Variants in CERS6 observed in about 807,000 individuals in gnomAD.
CERS6 encodes ceramide synthase 6, also known as LAG1 homolog, ceramide synthase 6.
A neutral mutation model predicts 56.8 loss-of-function variants in CERS6; 26 were observed. That is an observed-to-expected ratio of 0.46 (90% confidence interval 0.34 to 0.63). The LOEUF (loss-of-function observed/expected upper bound fraction) is 0.63. CERS6 is among the 30% of genes least tolerant of loss of function. The probability of loss-of-function intolerance (pLI) is 0.01; values close to 1 mark genes in which losing one functional copy is unlikely to be tolerated. For synonymous variants in CERS6, 164 were observed against 173.3 expected, an observed-to-expected ratio of 0.95 and a Z score of 0.42; for missense variants, 415 against 467.5, an observed-to-expected ratio of 0.89 and a Z score of 1.04.
intron 8 of CERS6, among the ~76,000 whole-genome samples, chr2:168,726,172 A>C (rs1683345367): frequency 1.3e-5 from 2 of 152,220 alleles, no homozygotes; most frequent in Admixed American, 1.3e-4. Context: ...TGATTTCCTT[A>C]AATCTTTGCA....
At chr2:168,477,031 G>A (rs902014174) in intron 1 of CERS6, among the ~76,000 whole-genome samples, 4 of 152,064 alleles carry the variant, frequency 2.6e-5, no homozygotes, top group Non-Finnish European at 5.9e-5. Context: ...TATTTTTCAT[G>A]GTTCTGGAGA....
chr2:168,575,900 G>A (rs1297256856), intron 3 of CERS6, among the ~76,000 whole-genome samples: 1 of 152,090 alleles, frequency 6.6e-6, no homozygotes, highest in Non-Finnish European at 1.5e-5. Context: ...TTAAGACTCA[G>A]TTCACCTTCA....
chr2:168,767,673 C>T (rs116103909), intron 9 of CERS6, among the ~76,000 whole-genome samples: 1,972 of 152,322 alleles, frequency 0.013, 48 homozygotes, highest in African/African-American at 0.043. Context: ...TGACCCCACC[C>T]ACCTGAGAGA....
intron 8 of CERS6, among the ~76,000 whole-genome samples, chr2:168,747,074 T>G (rs1405410815): frequency 6.6e-6 from 1 of 151,902 alleles, no homozygotes; most frequent in Admixed American, 6.6e-5. Context: ...TGTACGTAAT[T>G]TTTAATCTAG....
At chr2:168,749,274 G>A (rs1030270448) in intron 8 of CERS6, among the ~76,000 whole-genome samples, 5 of 127,950 alleles carry the variant, frequency 3.9e-5, no homozygotes, top group Admixed American at 8.0e-5. Context: ...ACCCCTCTTC[G>A]CTATCTGAAT....
At chr2:168,753,534 G>C (rs1162481306) in intron 8 of CERS6, among the ~76,000 whole-genome samples, 1 of 152,034 alleles carries the variant, frequency 6.6e-6, no homozygotes, top group Non-Finnish European at 1.5e-5. Flanking sequence ...TTACAATTCA[G>C]TTTCCACAAC....
intron 3 of CERS6, among the ~76,000 whole-genome samples, chr2:168,609,744 G>A (rs538382086): frequency 6.6e-6 from 1 of 152,220 alleles, no homozygotes; most frequent in African/African-American, 2.4e-5. Context: ...TTTGTATTCT[G>A]CCTTGTTCTC....
At chr2:168,653,194 G>A (rs78808034) in intron 4 of CERS6, among the ~76,000 whole-genome samples, 4,729 of 152,262 alleles carry the variant, frequency 0.031, 192 homozygotes, top group African/African-American at 0.093. Context: ...AAGAAAAATA[G>A]AATATGCTGA....
intron 4 of CERS6, among the ~76,000 whole-genome samples, chr2:168,652,799 G>C (rs989733796): frequency 6.6e-6 from 1 of 152,006 alleles, no homozygotes; most frequent in Admixed American, 6.6e-5. Flanking sequence ...AAAAAATCAC[G>C]ATCTTCCTCA....
intron 4 of CERS6, among the ~76,000 whole-genome samples, chr2:168,675,194 G>A (rs1404367493): frequency 6.6e-6 from 1 of 151,870 alleles, no homozygotes; most frequent in Non-Finnish European, 1.5e-5. Flanking sequence ...AGATGGTCTC[G>A]ATCTCCTGAC....
intron 3 of CERS6, among the ~76,000 whole-genome samples, chr2:168,616,678 G>T (rs565239130): frequency 7.2e-5 from 11 of 152,190 alleles, no homozygotes; most frequent in African/African-American, 2.6e-4. Context: ...TGTCCAACAG[G>T]AAAATGTCAC....
chr2:168,476,440 A>G (rs1267319506), intron 1 of CERS6, among the ~76,000 whole-genome samples: 3 of 152,188 alleles, frequency 2.0e-5, no homozygotes, highest in Non-Finnish European at 4.4e-5. Context: ...GTTGTGTCTT[A>G]GGGTTCTCCA....
intron 4 of CERS6, among the ~76,000 whole-genome samples, chr2:168,641,269 A>G (rs1457602128): frequency 6.6e-6 from 1 of 151,712 alleles, no homozygotes; most frequent in Non-Finnish European, 1.5e-5. Flanking sequence ...ATTTTTTTAG[A>G]CGTGTCTTTC....
chr2:168,654,087 T>C (rs1685411000), intron 4 of CERS6, among the ~76,000 whole-genome samples: 2 of 152,140 alleles, frequency 1.3e-5, no homozygotes, highest in Admixed American at 6.5e-5. Context: ...TCAAAAGACA[T>C]CAGCACCTAG....
intron 3 of CERS6, among the ~76,000 whole-genome samples, chr2:168,608,481 C>T (rs1684107540): frequency 6.6e-6 from 1 of 152,286 alleles, no homozygotes; most frequent in African/African-American, 2.4e-5. Flanking sequence ...TTCTAAGATA[C>T]ACCATTTCAT....
chr2:168,484,849 G>A (rs538208305), intron 1 of CERS6, among the ~76,000 whole-genome samples: 2 of 152,268 alleles, frequency 1.3e-5, no homozygotes, highest in South Asian at 4.1e-4. Flanking sequence ...AGCTTTAAGG[G>A]GATGTGAAGA....
intron 4 of CERS6, among the ~76,000 whole-genome samples, chr2:168,666,071 G>A (rs1273654453): frequency 6.6e-6 from 1 of 150,688 alleles, no homozygotes; most frequent in Admixed American, 6.6e-5. Context: ...ATCACCCCCT[G>A]ACCCCTGCAC....
At chr2:168,505,165 C>T (rs1694653254) in intron 1 of CERS6, among the ~76,000 whole-genome samples, 2 of 151,606 alleles carry the variant, frequency 1.3e-5, no homozygotes, top group South Asian at 4.2e-4. Context: ...CCCTTGAGCC[C>T]AGGATTTAGA....
At chr2:168,685,950 A>G (rs1686338710) in intron 4 of CERS6, among the ~76,000 whole-genome samples, 1 of 151,602 alleles carries the variant, frequency 6.6e-6, no homozygotes, top group Non-Finnish European at 1.5e-5. Context: ...TCTTAGTGTT[A>G]TTCAGACATT....
Sources: allele counts gnomAD v4.1 joint callset (sites outside exome capture counted in the v4.1 genomes callset), GRCh38; gene constraint gnomAD v4.1.1; transcripts MANE v1.5; gene names NCBI Gene and HGNC (gene_info 2026-07-23, HGNC 2026-07-21).